Variants in RAP1GAP2 observed in about 807,000 individuals in gnomAD.
The protein encoded by RAP1GAP2 is RAP1 GTPase activating protein 2, also known as rap1 GTPase-activating protein 2.
RAP1GAP2 carries 27 observed loss-of-function variants against 95.0 expected under a neutral mutation model. That is an observed-to-expected ratio of 0.28 (90% CI 0.21 to 0.39). The LOEUF is 0.39. Among genes scored for constraint, RAP1GAP2 ranks in the 10% least tolerant of loss-of-function variants. The pLI is 1.00. For synonymous variants in RAP1GAP2, 373 were observed against 380.9 expected, an observed-to-expected ratio of 0.98 and a Z score of 0.24; for missense variants, 771 against 970.0, an observed-to-expected ratio of 0.79 and a Z score of 2.72.
At chr17:2,941,702 C>T (rs1324344640) in intron 3 of RAP1GAP2, among the ~76,000 whole-genome samples, 45 of 142,784 alleles carry the variant, frequency 3.2e-4, no homozygotes, top group African/African-American at 1.1e-3. Flanking sequence ...AGTTTTTGCT[C>T]TTGTCGCCCA....
chr17:2,888,621 G>C (rs904699125), intron 2 of RAP1GAP2, among the ~76,000 whole-genome samples: 3 of 150,690 alleles, frequency 2.0e-5, no homozygotes, highest in Non-Finnish European at 3.0e-5. Flanking sequence ...TGGCTGGATA[G>C]TATCGTGCAT....
At position 3,030,282 on chromosome 17, in the gene RAP1GAP2, C is replaced by T. The variant is rs200192568; in HGVS notation, c.2108-640C>T. Among the ~76,000 whole-genome samples, 48 of 151,822 alleles carry T rather than the reference C, an allele frequency of 3.2e-4. No homozygotes were observed. In the East Asian group the frequency reaches 7.9e-3, roughly 25 times the overall value. ...ACATGAGTCATTTCCTTGCTGTATC[C>T]GAGAAAAGTTTTCAAACCCCGGAAG... On this transcript the variant is annotated intron_variant, in intron 22 of 24. Transcript: ENST00000254695.
chr17:3,028,249 T>C (rs1220068370), intron 22 of RAP1GAP2, among the ~76,000 whole-genome samples: 1 of 152,026 alleles, frequency 6.6e-6, no homozygotes, highest in Non-Finnish European at 1.5e-5. Context: ...GGTTAAAGAA[T>C]GGGAATGAGA....
intron 3 of RAP1GAP2, among the ~76,000 whole-genome samples, chr17:2,955,916 C>T (rs976803972): frequency 1.3e-5 from 2 of 152,108 alleles, no homozygotes; most frequent in African/African-American, 2.4e-5. Context: ...CTGTTAGAAA[C>T]GATGCTGCAG....
chr17:2,849,496 C>T (rs920746059), intron 2 of RAP1GAP2, among the ~76,000 whole-genome samples: 1 of 152,222 alleles, frequency 6.6e-6, no homozygotes, highest in African/African-American at 2.4e-5. Flanking sequence ...CAGGGCCAGG[C>T]ATGCGTGTCT....
chr17:2,889,410 CA>C (rs1280771413), intron 2 of RAP1GAP2, among the ~76,000 whole-genome samples: 1 of 152,182 alleles, frequency 6.6e-6, no homozygotes, highest in Non-Finnish European at 1.5e-5. Flanking sequence ...AGAGCCCAGC[CA>C]GAGGCCTCTG....
chr17:2,963,334 C>T lies in RAP1GAP2; in HGVS notation c.247-96C>T. On this transcript the variant is annotated intron_variant, in intron 5 of 24. Coordinates refer to ENST00000254695, the MANE Select transcript of RAP1GAP2 (RefSeq NM_015085.5). The surrounding 1 kb of genome is among the most constrained non-coding windows in gnomAD (Gnocchi z 4.8). ...TCGAATGTTCCTCCCTCAAAGCCCC[C>T]CCACAACATATCCCCCTTGCAAGAC... 7.1e-7 allele frequency: 1 copy of T among 1,399,926 alleles called. No individual in the cohort carries two copies. The highest frequency in any genetic ancestry group is 1.0e-6 in the Non-Finnish European group (1 of 986,144). The allele number at this position is 1,399,926 out of a possible 1,614,324, so 86.7% of individuals were successfully genotyped here.
intron 2 of RAP1GAP2, among the ~76,000 whole-genome samples, chr17:2,897,776 G>A (rs967489029): frequency 2.6e-5 from 4 of 152,074 alleles, no homozygotes; most frequent in African/African-American, 9.7e-5. Flanking sequence ...GGTTCCCTCG[G>A]CTCTCCAGCC....
intron 8 of RAP1GAP2, among the ~76,000 whole-genome samples, chr17:2,967,709 A>G (rs2044677663): frequency 6.6e-6 from 1 of 152,188 alleles, no homozygotes; most frequent in African/African-American, 2.4e-5. Flanking sequence ...AACCAGACAT[A>G]AGAAATTGGC....
chr17:3,003,449 G>A lies in RAP1GAP2; in HGVS notation c.1201-1920G>A, dbSNP rs1478453617. On this transcript the variant is annotated intron_variant, in intron 14 of 24. Coordinates refer to ENST00000254695, the MANE Select transcript of RAP1GAP2 (RefSeq NM_015085.5). This position sits in a 1 kb window ranked among gnomAD's most constrained non-coding sequence, Gnocchi z 4.1. ...CAGGTGAAGCCCACCGCCGGGGAGG[G>A]CCCTGTCTTTGTAGCCCCCTCCCCG... Among the ~76,000 whole-genome samples, 1 of 152,098 alleles carries A rather than the reference G, an allele frequency of 6.6e-6. No individual in the cohort carries two copies. The highest frequency in any genetic ancestry group is 1.5e-5 in the Non-Finnish European group (1 of 68,014).
At position 3,008,125 on chromosome 17, in the gene RAP1GAP2, G is replaced by A; in HGVS notation, c.1474G>A (p.Gly492Arg). 6.2e-7 allele frequency: 1 copy of A among 1,613,992 alleles called. No homozygotes were observed. Among genetic ancestry groups the A allele is most frequent in the Non-Finnish European group, 8.5e-7 (1 of 1,179,880 alleles). The change falls in exon 17 of 25, where the codon GGG becomes AGG. Residue 492 changes from glycine to arginine, a missense_variant. Coordinates refer to ENST00000254695, the MANE Select transcript of RAP1GAP2 (RefSeq NM_015085.5). This position sits in a 1 kb window ranked among gnomAD's most constrained non-coding sequence, Gnocchi z 4.2. ...CAAGTTTGAGAATGGAGGCCACGGG[G>A]GGTTCCTGGAGTCTTTTAAGGTATG... ...EDKFENGGHG[G>R]FLESFKRAIR...
chr17:2,759,315 C>T (rs188776341), intron 1 of RAP1GAP2, among the ~76,000 whole-genome samples: 1 of 152,290 alleles, frequency 6.6e-6, no homozygotes, highest in Non-Finnish European at 1.5e-5. Context: ...GAATCTTGCT[C>T]TGTCACCCAG....
upstream of RAP1GAP2, among the ~76,000 whole-genome samples, chr17:2,794,650 C>A (rs79271380): frequency 6.6e-6 from 1 of 152,188 alleles, no homozygotes; most frequent in Admixed American, 6.5e-5. Context: ...AGCTGCTCCC[C>A]CAGCCCACTC....
chr17:2,795,425 C>T (rs148670418), upstream of RAP1GAP2, among the ~76,000 whole-genome samples: 206 of 152,336 alleles, frequency 1.4e-3, 1 homozygote, highest in Non-Finnish European at 2.5e-3. Flanking sequence ...GCAGGACACG[C>T]TAGCCCTGTG....
At chr17:2,907,514 T>G (rs2042237481) in intron 3 of RAP1GAP2, among the ~76,000 whole-genome samples, 1 of 151,994 alleles carries the variant, frequency 6.6e-6, no homozygotes, top group Non-Finnish European at 1.5e-5. Flanking sequence ...GTGGTGAATA[T>G]TCTAAAGGTG....
At chr17:2,994,464 G>A (rs1017050613) in intron 12 of RAP1GAP2, among the ~76,000 whole-genome samples, 3 of 152,210 alleles carry the variant, frequency 2.0e-5, no homozygotes, top group Non-Finnish European at 4.4e-5. Context: ...GACAGCCAGA[G>A]AAGGGACTTC....
chr17:2,965,483 G>A lies in RAP1GAP2; in HGVS notation c.493-57G>A. 1 of 1,351,862 alleles carries A rather than the reference G, an allele frequency of 7.4e-7. No individual in the cohort carries two copies. Among genetic ancestry groups the A allele is most frequent in the Non-Finnish European group, 1.0e-6 (1 of 965,040 alleles). The allele number at this position is 1,351,862 out of a possible 1,614,324, so 83.7% of individuals were successfully genotyped here. ...CCTGGTGAAGGAGGTGGTTTAGGGG[G>A]AACATACCTGGAAGGTTTCTTCCTC... On this transcript the variant is annotated intron_variant, in intron 7 of 24. Coordinates refer to ENST00000254695, the MANE Select transcript of RAP1GAP2 (RefSeq NM_015085.5). The surrounding 1 kb of genome is among the most constrained non-coding windows in gnomAD (Gnocchi z 4.7).
intron 12 of RAP1GAP2, among the ~76,000 whole-genome samples, chr17:2,993,922 G>A (rs1332152027): frequency 6.6e-6 from 1 of 151,798 alleles, no homozygotes; most frequent in Non-Finnish European, 1.5e-5. Flanking sequence ...GTGTGCTCCT[G>A]TGGTCCCCGC....
chr17:2,828,984 CTTTTTTT>C (rs58160165), intron 2 of RAP1GAP2, among the ~76,000 whole-genome samples: 3 of 80,824 alleles, frequency 3.7e-5, no homozygotes, highest in African/African-American at 5.1e-5. Flanking sequence ...TAATTACTTG[CTTTTTTT>C]TTTTTTTTTT....
Sources: allele counts gnomAD v4.1 joint callset (sites outside exome capture counted in the v4.1 genomes callset), GRCh38; gene constraint gnomAD v4.1.1; non-coding constraint Gnocchi (gnomAD v3.1); transcripts MANE v1.5; gene names NCBI Gene and HGNC (gene_info 2026-07-23, HGNC 2026-07-21).